The following DYNC1H1 variants were observed in gnomAD, a reference collection of about 807,000 sequenced individuals.
DYNC1H1 encodes dynein cytoplasmic 1 heavy chain 1.
A neutral mutation model predicts 527.1 loss-of-function variants in DYNC1H1; 51 were observed. That is an observed-to-expected ratio of 0.10 (90% confidence interval 0.08 to 0.12). DYNC1H1 has a LOEUF of 0.12. Ranked by LOEUF, DYNC1H1 falls within the 10% of genes least tolerant of loss-of-function variation. The pLI is 1.00. For missense variants in DYNC1H1, 2,771 were observed against 5,971.8 expected (o/e 0.46, Z 17.66); for synonymous variants, 2,189 against 2,278.8 (o/e 0.96, Z 1.12).
chr14:101,989,644 T>C (rs1376277402), intron 10 of DYNC1H1, among the ~76,000 whole-genome samples: 2 of 152,254 alleles, frequency 1.3e-5, no homozygotes, highest in Non-Finnish European at 2.9e-5. Context: ...TTTTTTCCCC[T>C]ACCTACACTT....
At chr14:102,024,733 C>G (rs1398328960) in intron 43 of DYNC1H1, among the ~76,000 whole-genome samples, 3 of 131,742 alleles carry the variant, frequency 2.3e-5, no homozygotes, top group African/African-American at 8.5e-5. Context: ...CTCGCTCTGT[C>G]GCCCAGGCTA....
chr14:101,966,830 T>TG (rs964272410), intron 1 of DYNC1H1, among the ~76,000 whole-genome samples: 9 of 151,998 alleles, frequency 5.9e-5, no homozygotes, highest in Non-Finnish European at 1.2e-4. Context: ...ATTATTGGGG[T>TG]GGGGGGACTA....
intron 23 of DYNC1H1, among the ~76,000 whole-genome samples, chr14:102,004,111 G>T (rs1347029829): frequency 6.6e-6 from 1 of 151,870 alleles, no homozygotes; most frequent in African/African-American, 2.4e-5. Flanking sequence ...GGGCGTGGTG[G>T]TGGGCGCCTG....
rs188876432 is a variant in DYNC1H1 at position 101,971,997 on chromosome 14, T to C, written c.257-3715T>C. On this transcript the variant is annotated intron_variant, in intron 1 of 77. Transcript: ENST00000360184. ...TTGATTCTTTGAATGCATGGACATATAGTACAGTATTGGTCTGTTACATTT... is the reference window on the plus strand; with the variant it reads ...TTGATTCTTTGAATGCATGGACATACAGTACAGTATTGGTCTGTTACATTT... Among the ~76,000 whole-genome samples, 79 of 152,300 alleles carry C rather than the reference T, an allele frequency of 5.2e-4. No individual in the cohort carries two copies. In the Middle Eastern group the frequency reaches 0.02, roughly 39 times the overall value.
At position 102,038,854 on chromosome 14, in the gene DYNC1H1, A is replaced by T; in HGVS notation, c.11206+6A>T. 6.2e-7 allele frequency: 1 copy of T among 1,614,198 alleles called. No individual in the cohort carries two copies. The highest frequency in any genetic ancestry group is 8.5e-7 in the Non-Finnish European group (1 of 1,180,044). The stretch of plus-strand genomic sequence containing the variant: ...TGATCTTCTTAAACTTCAAGGTAGG[A>T]TCTGGACCTGTGGCTTTTAGATGGT... On this transcript the variant is annotated splice_donor_region_variant and intron_variant, in intron 59 of 77. Coordinates refer to ENST00000360184, the MANE Select transcript of DYNC1H1 (RefSeq NM_001376.5). The surrounding 1 kb of genome is among the most constrained non-coding windows in gnomAD (Gnocchi z 7.2).
chr14:102,048,579 C>T lies in DYNC1H1; in HGVS notation c.13282C>T (p.Arg4428Cys), dbSNP rs770395590. Reference sequence around the variant, plus strand: ...GGGCGCAAAGCTGCTTCAGGACGTTCGCCAGGACCTTGCAGATGTCGTCCA... The same window carrying T: ...GGGCGCAAAGCTGCTTCAGGACGTTTGCCAGGACCTTGCAGATGTCGTCCA... ...KMGAKLLQDV[R>C]QDLADVVQVC... is the part of the protein sequence containing the mutation. The change falls in exon 74 of 78, where the codon CGC becomes TGC. Residue 4428 changes from arginine (R) to cysteine (C), a missense_variant. Around this residue, in one of 32 missense-constraint regions of DYNC1H1, gnomAD observed 170 missense variants for 249.8 expected, o/e 0.68. Coordinates refer to ENST00000360184, the MANE Select transcript of DYNC1H1 (RefSeq NM_001376.5). 2.2e-5 allele frequency: 36 copies of T among 1,614,066 alleles called. No homozygotes were observed. Among genetic ancestry groups the T allele is most frequent in the Non-Finnish European group, 2.8e-5 (33 of 1,180,050 alleles).
At chr14:102,025,384 G>A (rs1396852517) in intron 43 of DYNC1H1, among the ~76,000 whole-genome samples, 1 of 150,438 alleles carries the variant, frequency 6.6e-6, no homozygotes, top group Non-Finnish European at 1.5e-5. Context: ...TAGCCTGGGC[G>A]ACAGAGGGAG....
chr14:102,018,035 G>A lies in DYNC1H1; in HGVS notation c.8178-416G>A. 1 of 255,222 alleles carries A rather than the reference G, an allele frequency of 3.9e-6. No individual in the cohort carries two copies. The highest frequency in any genetic ancestry group is 4.8e-5 in the South Asian group (1 of 20,930). The allele number at this position is 255,222 out of a possible 1,614,324, so 15.8% of individuals were successfully genotyped here. On this transcript the variant is annotated intron_variant, in intron 40 of 77. Transcript: ENST00000360184. The surrounding 1 kb of genome is among the most constrained non-coding windows in gnomAD (Gnocchi z 5.2). ...GCAGCAGAATGGTGTGAACCTGGGA[G>A]GTGGAGCTTGCAGTGAGCTGAGATC...
Position 101,988,698 on chromosome 14 carries a change from T to C in DYNC1H1, c.2719-5T>C. ...CACTGTTCTCTGATATAACGTTGTC[T>C]GTAGATTGAAAGAATATTGGGCGTC... is the stretch of plus-strand genomic sequence containing the variant. On this transcript the variant is annotated splice_region_variant and splice_polypyrimidine_tract_variant and intron_variant, in intron 9 of 77. Coordinates refer to ENST00000360184, the MANE Select transcript of DYNC1H1 (RefSeq NM_001376.5). 2 of 1,614,204 alleles carry C rather than the reference T, an allele frequency of 1.2e-6. No individual in the cohort carries two copies. The highest frequency in any genetic ancestry group is 1.7e-6 in the Non-Finnish European group (2 of 1,180,050).
At chr14:102,034,240 TG>T in intron 55 of DYNC1H1, 52 bp downstream of exon 55, 1 of 1,614,184 alleles carries the variant, frequency 6.2e-7, no homozygotes, top group Non-Finnish European at 8.5e-7. Flanking sequence ...TGAGGCAAGC[TG>T]GTGTTTAGTG....
intron 72 of DYNC1H1, 173 bp from the exon 73 acceptor site, chr14:102,047,644 T>A (rs761770017): frequency 3.6e-6 from 1 of 278,330 alleles, no homozygotes; most frequent in Non-Finnish European, 6.6e-6. Flanking sequence ...TGTGTGTGTA[T>A]ATATATATAT....
chr14:101,987,440 T>C lies in DYNC1H1; in HGVS notation c.2539-13T>C. 6.2e-7 allele frequency: 1 copy of C among 1,613,012 alleles called. No individual in the cohort carries two copies. Among genetic ancestry groups the C allele is most frequent in the Non-Finnish European group, 8.5e-7 (1 of 1,179,296 alleles). On this transcript the variant is annotated splice_polypyrimidine_tract_variant and intron_variant, in intron 8 of 77. Coordinates refer to ENST00000360184, the MANE Select transcript of DYNC1H1 (RefSeq NM_001376.5). ...GAGTGGGTGTTTTAAATATTAAATA[T>C]TTCTTCCTTCAGGTGGATGATCTGC...
At position 102,010,521 on chromosome 14, in the gene DYNC1H1, AT is replaced by A. The variant is rs1405363484; in HGVS notation, c.6405+65del. ...CGTTATTTAAATTTACCTTTTTAAC[AT>A]TTAAGCCATGACTTGTGAGTTCTTC... On this transcript the variant is annotated intron_variant, in intron 31 of 77. Transcript: ENST00000360184. The surrounding 1 kb of genome is among the most constrained non-coding windows in gnomAD (Gnocchi z 6.0). 7 of 1,584,960 alleles carry A rather than the reference AT, an allele frequency of 4.4e-6. No homozygotes were observed. The highest frequency in any genetic ancestry group is 5.1e-6 in the Non-Finnish European group (6 of 1,165,736).
Position 102,030,229 on chromosome 14 carries a change from G to A in DYNC1H1, c.9830G>A (p.Ser3277Asn), listed in dbSNP as rs1461589823. 1.2e-6 allele frequency: 2 copies of A among 1,614,052 alleles called. No individual in the cohort carries two copies. Among genetic ancestry groups the A allele is most frequent in the African/African-American group, 1.3e-5 (1 of 74,928 alleles). ...QQEVIADKQM[S>N]VKEDLDKVEP... is the part of the protein sequence containing the mutation. ...GAGGTAATTGCAGACAAACAGATGA[G>A]TGTCAAAGAAGATCTTGATAAGGTG... Residue 3277 changes from serine (S) to asparagine (N), a missense_variant, in exon 51 of 78, where the codon AGT (serine) becomes AAT (asparagine). Around this residue, in one of 32 missense-constraint regions of DYNC1H1, gnomAD observed 30 missense variants for 117.8 expected, o/e 0.25. Coordinates refer to ENST00000360184, the MANE Select transcript of DYNC1H1 (RefSeq NM_001376.5).
At chr14:101,995,385 G>A in intron 15 of DYNC1H1, 85 bp downstream of exon 15, 1 of 1,542,968 alleles carries the variant, frequency 6.5e-7, no homozygotes, top group Non-Finnish European at 8.9e-7. Context: ...GCCGAGGCGG[G>A]CGGATCACGA....
rs1426193095 is a variant in DYNC1H1 at position 102,012,473 on chromosome 14, A to G, written c.7014+3A>G. ...AGCGCCTCAGTCTTCCACCCAATGT[A>G]AGTAGCCTTTTGTATGTCGTCAACT... On this transcript the variant is annotated splice_donor_region_variant and intron_variant, in intron 34 of 77. Transcript: ENST00000360184. This position sits in a 1 kb window ranked among gnomAD's most constrained non-coding sequence, Gnocchi z 4.9. 8 of 1,614,204 alleles carry G rather than the reference A, an allele frequency of 5.0e-6. No individual in the cohort carries two copies. In the South Asian group the frequency reaches 7.7e-5, roughly 16 times the overall value.
chr14:102,029,986 C>A lies in DYNC1H1; in HGVS notation c.9762+48C>A. The A allele has an allele frequency of 1.9e-6, 3 of 1,613,540 alleles. No homozygotes were observed. The highest frequency in any genetic ancestry group is 1.1e-5 in the South Asian group (1 of 90,802). The stretch of plus-strand genomic sequence containing the variant: ...CCTGTAAGGACTGAGCATTTTCAGT[C>A]TCCAATGAGAGAGTAGGAAATGTAG... On this transcript the variant is annotated intron_variant, in intron 50 of 77. Coordinates refer to ENST00000360184, the MANE Select transcript of DYNC1H1 (RefSeq NM_001376.5). The surrounding 1 kb of genome is among the most constrained non-coding windows in gnomAD (Gnocchi z 5.3).
rs747296836 is a variant in DYNC1H1 at position 102,016,109 on chromosome 14, A to G, written c.7473+23A>G. 5.2e-5 allele frequency: 82 copies of G among 1,583,974 alleles called. No individual in the cohort carries two copies. The highest frequency in any genetic ancestry group is 6.8e-5 in the Non-Finnish European group (79 of 1,165,970). Reference sequence around the variant, plus strand: ...CAGGTCAGGGGGCATCAGGGGCTTCACAGAGCTCACCACTGCGCCAGACCA... The same window carrying G: ...CAGGTCAGGGGGCATCAGGGGCTTCGCAGAGCTCACCACTGCGCCAGACCA... On this transcript the variant is annotated intron_variant, in intron 36 of 77. Transcript: ENST00000360184. This position sits in a 1 kb window ranked among gnomAD's most constrained non-coding sequence, Gnocchi z 7.3.
intron 5 of DYNC1H1, among the ~76,000 whole-genome samples, chr14:101,982,749 T>C (rs540634544): frequency 3.1e-4 from 41 of 134,384 alleles, no homozygotes; most frequent in Admixed American, 6.9e-4. Flanking sequence ...GCCACTGATA[T>C]AGAAAGCAAA....
Sources: gnomAD v4.1 joint callset for allele counts (sites outside exome capture counted in the v4.1 genomes callset) on GRCh38, gnomAD v4.1.1 for gene constraint, gnomAD v4.1.1 regional missense constraint, Gnocchi (gnomAD v3.1) non-coding constraint, MANE v1.5 for transcripts, NCBI Gene and HGNC (gene_info 2026-07-23, HGNC 2026-07-21) for gene names.